The following MERTK variants were observed in gnomAD, a reference collection of about 807,000 sequenced individuals.
The protein encoded by MERTK is MER proto-oncogene, tyrosine kinase.
Under a neutral mutation model 99.3 loss-of-function variants are expected in MERTK, and 69 were observed. The ratio of observed to expected loss-of-function variants is 0.70; its 90% CI spans 0.57 to 0.85. MERTK has a LOEUF of 0.85. Among genes scored for constraint, MERTK ranks in the 40% least tolerant of loss-of-function variants. MERTK has a pLI of 0.00. For synonymous variants in MERTK, 426 were observed against 467.6 expected, an observed-to-expected ratio of 0.91 and a Z score of 1.15; for missense variants, 1,125 against 1,249.4, an observed-to-expected ratio of 0.90 and a Z score of 1.50.
At chr2:112,025,814 A>T (rs1478411209) in intron 18 of MERTK, among the ~76,000 whole-genome samples, 1 of 152,224 alleles carries the variant, frequency 6.6e-6, no homozygotes, top group East Asian at 1.9e-4. Flanking sequence ...TATACATAAC[A>T]TAAAATGTAC....
chr2:111,946,134 G>A (rs1427583812), intron 3 of MERTK, among the ~76,000 whole-genome samples: 1 of 152,144 alleles, frequency 6.6e-6, no homozygotes, highest in African/African-American at 2.4e-5. Context: ...GACTCCCTCA[G>A]AGGAGTCTCT....
At chr2:111,911,185 G>A (rs1453779846) in intron 1 of MERTK, among the ~76,000 whole-genome samples, 2 of 152,020 alleles carry the variant, frequency 1.3e-5, no homozygotes, top group East Asian at 3.9e-4. Context: ...TGCTGAGCAG[G>A]ACGCTAGCAG....
At chr2:111,941,461 T>G (rs186592662) in intron 2 of MERTK, among the ~76,000 whole-genome samples, 1 of 152,186 alleles carries the variant, frequency 6.6e-6, no homozygotes, top group East Asian at 1.9e-4. Context: ...TTTCTTGAAC[T>G]TCCCCCCTTC....
intron 4 of MERTK, among the ~76,000 whole-genome samples, chr2:111,948,429 T>C (rs1467241810): frequency 6.6e-6 from 1 of 152,164 alleles, no homozygotes; most frequent in Non-Finnish European, 1.5e-5. Context: ...TTTAACACCA[T>C]CTATAAGAAA....
intron 4 of MERTK, among the ~76,000 whole-genome samples, chr2:111,961,444 C>T (rs28529268): frequency 0.049 from 7,426 of 152,046 alleles, 169 homozygotes; most frequent in African/African-American, 0.063. Context: ...CATGAGCCAC[C>T]GCACCCGGCC....
At chr2:111,994,116 A>C in intron 8 of MERTK, 135 bp from the exon 9 acceptor site, 1 of 1,037,954 alleles carries the variant, frequency 9.6e-7, no homozygotes. Context: ...CCTGAGTGAC[A>C]AAGGAATGCT....
At chr2:111,906,211 C>T (rs764788859) in intron 1 of MERTK, among the ~76,000 whole-genome samples, 26 of 152,220 alleles carry the variant, frequency 1.7e-4, no homozygotes, top group Admixed American at 3.9e-4. Flanking sequence ...CAAATGCTTT[C>T]TGACAGGTCC....
At chr2:111,943,636 G>A (rs1471357693) in intron 2 of MERTK, among the ~76,000 whole-genome samples, 1 of 152,182 alleles carries the variant, frequency 6.6e-6, no homozygotes, top group Non-Finnish European at 1.5e-5. Context: ...CACCTTAGGT[G>A]CACCTTCAAG....
intron 4 of MERTK, among the ~76,000 whole-genome samples, chr2:111,950,790 T>C (rs935672425): frequency 2.0e-5 from 3 of 152,186 alleles, no homozygotes; most frequent in Non-Finnish European, 2.9e-5. Flanking sequence ...CACTTGACAA[T>C]GTTTACACAA....
chr2:111,982,707 A>G, intron 7 of MERTK, 135 bp from the exon 8 acceptor site: 3 of 933,528 alleles, frequency 3.2e-6, no homozygotes, highest in Non-Finnish European at 5.2e-6. Context: ...AAAGGTGAAA[A>G]TGTGCTATAA....
Position 111,975,476 on chromosome 2 carries a change from A to G in MERTK, c.1144+4A>G. On this transcript the variant is annotated splice_donor_region_variant and intron_variant, in intron 7 of 18. Coordinates refer to ENST00000295408, the MANE Select transcript of MERTK (RefSeq NM_006343.3). ...CTAGCCAGCACGACTGAAGGAGGTA[A>G]TTCCTGGGGTTCAGAATGTATATTG... The G allele has an allele frequency of 6.2e-7, 1 of 1,613,898 alleles. No individual in the cohort carries two copies. Among genetic ancestry groups the G allele is most frequent in the Non-Finnish European group, 8.5e-7 (1 of 1,179,814 alleles).
chr2:111,984,927 G>C (rs1275604715), intron 8 of MERTK, among the ~76,000 whole-genome samples: 1 of 152,210 alleles, frequency 6.6e-6, no homozygotes, highest in East Asian at 1.9e-4. Context: ...ATACCACTGT[G>C]TGCTTGGAAC....
rs1684981944 is a variant in MERTK at position 111,947,534 on chromosome 2, C to G, written c.724C>G (p.Pro242Ala). ...VQNSSRVNEQ[P>A]EKSPSVLTVP... Reference sequence around the variant, plus strand: ...AAACAGTAGCCGTGTTAACGAACAGCCTGAAAAATCCCCCTCCGTGCTAAC... The same window carrying G: ...AAACAGTAGCCGTGTTAACGAACAGGCTGAAAAATCCCCCTCCGTGCTAAC... The change falls in exon 4 of 19, where the codon CCT becomes GCT. Residue 242 changes from proline (P) to alanine (A), a missense_variant. Transcript: ENST00000295408. The G allele has an allele frequency of 1.2e-6, 2 of 1,614,154 alleles. No individual in the cohort carries two copies. Among genetic ancestry groups the G allele is most frequent in the Non-Finnish European group, 1.7e-6 (2 of 1,180,032 alleles).
intron 16 of MERTK, 109 bp from the exon 17 acceptor site, chr2:112,021,313 T>G (rs904252577): frequency 6.6e-7 from 1 of 1,507,054 alleles, no homozygotes; most frequent in African/African-American, 1.4e-5. Flanking sequence ...GTGGTGTCTC[T>G]GTGTTCTTTT....
Position 111,974,263 on chromosome 2 carries a change from C to T in MERTK, c.961-1026C>T, listed in dbSNP as rs1004525499. On this transcript the variant is annotated intron_variant, in intron 6 of 18. Coordinates refer to ENST00000295408, the MANE Select transcript of MERTK (RefSeq NM_006343.3). ...AAAAAAAAAAAAAAAGTTAGCCAGGCGTGGTGGCAGGCACCTGTGATCCCA... is the reference window on the plus strand; with the variant it reads ...AAAAAAAAAAAAAAAGTTAGCCAGGTGTGGTGGCAGGCACCTGTGATCCCA... Among the ~76,000 whole-genome samples, 171 of 147,058 alleles carry T rather than the reference C, an allele frequency of 1.2e-3. 1 individual carries two copies. The highest frequency in any genetic ancestry group is 3.9e-3 in the African/African-American group (156 of 39,890).
At position 111,934,075 on chromosome 2, in the gene MERTK, G is replaced by A. The variant is rs190520326; in HGVS notation, c.482+4535G>A. On this transcript the variant is annotated intron_variant, in intron 2 of 18. Coordinates refer to ENST00000295408, the MANE Select transcript of MERTK (RefSeq NM_006343.3). ...ACTCATCCTTTTTTATGGCTGCATAGTATTCCATGGCATATATGTGTCACA... is the reference window on the plus strand; with the variant it reads ...ACTCATCCTTTTTTATGGCTGCATAATATTCCATGGCATATATGTGTCACA... Among the ~76,000 whole-genome samples the A allele has an allele frequency of 2.9e-3, 436 of 152,220 alleles. 3 individuals are homozygous for A. Among genetic ancestry groups the A allele is most frequent in the African/African-American group, 6.4e-3 (264 of 41,528 alleles).
chr2:111,925,292 A>ATTT (rs11433691), intron 1 of MERTK, among the ~76,000 whole-genome samples: 948 of 24,524 alleles, frequency 0.039, 253 homozygotes, highest in East Asian at 0.11. Flanking sequence ...ATATATATAT[A>ATTT]TTTTTTTTTT....
chr2:111,936,459 G>A (rs576690642), intron 2 of MERTK, among the ~76,000 whole-genome samples: 2 of 152,274 alleles, frequency 1.3e-5, no homozygotes, highest in Admixed American at 1.3e-4. Flanking sequence ...TGCTGAGTTT[G>A]GGGTATATAC....
At chr2:112,009,045 G>A (rs1359364285) in intron 14 of MERTK, among the ~76,000 whole-genome samples, 1 of 152,232 alleles carries the variant, frequency 6.6e-6, no homozygotes, top group Non-Finnish European at 1.5e-5. Flanking sequence ...AGTGGATGCT[G>A]TGTAAGTGGC....
Sources: allele counts gnomAD v4.1 joint callset (sites outside exome capture counted in the v4.1 genomes callset), GRCh38; gene constraint gnomAD v4.1.1; transcripts MANE v1.5; gene names NCBI Gene and HGNC (gene_info 2026-07-23, HGNC 2026-07-21).